Variants in FREM2 observed in about 807,000 individuals in gnomAD.
The protein encoded by FREM2 is FRAS1-related extracellular matrix protein 2.
Under a neutral mutation model 219.9 loss-of-function variants are expected in FREM2, and 119 were observed. That is an observed-to-expected ratio of 0.54 (90% confidence interval 0.47 to 0.63). FREM2 has a LOEUF of 0.63. Among genes scored for constraint, FREM2 ranks in the 30% least tolerant of loss-of-function variants. The pLI, the probability that FREM2 is intolerant of heterozygous loss-of-function variation, is 0.00. For missense variants in FREM2, 4,030 were observed against 3,993.6 expected, an observed-to-expected ratio of 1.01 and a Z score of -0.25; for synonymous variants, 1,562 against 1,522.8, an observed-to-expected ratio of 1.03 and a Z score of -0.60.
chr13:38,734,734 T>C (rs1452347199), intron 2 of FREM2, among the ~76,000 whole-genome samples: 1 of 142,100 alleles, frequency 7.0e-6, no homozygotes, highest in African/African-American at 2.6e-5. Flanking sequence ...ATTGCAGTGC[T>C]ATACTTTTTT....
chr13:38,861,365 A>G (rs1700903821), intron 14 of FREM2, 66 bp from the exon 15 acceptor site: 1 of 1,538,692 alleles, frequency 6.5e-7, no homozygotes, highest in African/African-American at 1.4e-5. Flanking sequence ...CCTATTTTCT[A>G]AAACATTCTT....
At chr13:38,853,601 A>G (rs1877455250) in intron 11 of FREM2, among the ~76,000 whole-genome samples, 1 of 152,214 alleles carries the variant, frequency 6.6e-6, no homozygotes, top group African/African-American at 2.4e-5. Context: ...TAGTGAGGCA[A>G]CATAAAAAAT....
chr13:38,747,799 T>C (rs1872549375), intron 2 of FREM2, among the ~76,000 whole-genome samples: 1 of 152,168 alleles, frequency 6.6e-6, no homozygotes, highest in Non-Finnish European at 1.5e-5. Flanking sequence ...TAGGAAACAA[T>C]GTGCTTTCAG....
chr13:38,884,242 C>T lies in FREM2; in HGVS notation c.*3455C>T, dbSNP rs1348778368. ...CAGCAAAAAAGCTTCTTTATCAAGT[C>T]ATCTTACCTCTAATTCTTTTCCAGT... On this transcript the variant is annotated 3_prime_UTR_variant, in exon 24 of 24. Coordinates refer to ENST00000280481, the MANE Select transcript of FREM2 (RefSeq NM_207361.6). 6.6e-6 allele frequency: 1 copy of T among 152,180 alleles called. No individual in the cohort carries two copies. The allele number at this position is 152,180 out of a possible 1,614,324, so 9.4% of individuals were successfully genotyped here. A position where few individuals can be genotyped will look rare whatever the true frequency, so the allele number is the denominator to read the frequency against.
chr13:38,713,442 A>C lies in FREM2; in HGVS notation c.5263+15655A>C, dbSNP rs1044160895. 3.3e-5 allele frequency among the ~76,000 whole-genome samples: 5 copies of C among 152,272 alleles called. No individual in the cohort carries two copies. In the South Asian group the frequency reaches 1.0e-3, roughly 32 times the overall value. On this transcript the variant is annotated intron_variant, in intron 2 of 23. Coordinates refer to ENST00000280481, the MANE Select transcript of FREM2 (RefSeq NM_207361.6). ...TCTATAATGCATACTCTTATCATGG[A>C]TATATTATTATATGGCATTATTTTT...
rs572540483 is a variant in FREM2, at chr13:38,764,334, G to T, written c.5294G>T (p.Arg1765Leu). ...AACAAGTTAACGTACCAGAATTTTC[G>T]TCTGAATTGGGCATGGATCTCCTTT... ...GGNKLTYQNF[R>L]LNWAWISFEK... The change falls in exon 3 of 24, where the codon CGT (arginine) becomes CTT (leucine). Residue 1765 changes from arginine (R) to leucine (L), a missense_variant. Physicochemically the swap from Arg to Leu is moderately radical, Grantham distance 102 (BLOSUM62 -2). Coordinates refer to ENST00000280481, the MANE Select transcript of FREM2 (RefSeq NM_207361.6). The T allele has an allele frequency of 3.7e-6, 6 of 1,611,928 alleles. No homozygotes were observed. The highest frequency in any genetic ancestry group is 4.2e-6 in the Non-Finnish European group (5 of 1,178,270).
chr13:38,802,938 A>G (rs1875077606), intron 6 of FREM2, among the ~76,000 whole-genome samples: 1 of 152,154 alleles, frequency 6.6e-6, no homozygotes, highest in Non-Finnish European at 1.5e-5. Flanking sequence ...GCTCCCAGCC[A>G]ATCCCAGCTG....
Position 38,689,877 on chromosome 13 carries a change from C to T in FREM2, c.2533C>T (p.His845Tyr), listed in dbSNP as rs1869732816. 8 of 1,614,134 alleles carry T rather than the reference C, an allele frequency of 5.0e-6. No individual in the cohort carries two copies. Among genetic ancestry groups the T allele is most frequent in the Non-Finnish European group, 6.8e-6 (8 of 1,180,028 alleles). ...CTTCACTATTCAGGAGAAGGGTCAC[C>T]ACATCCTGAGTGAGACAGAGTTGCA... Reference protein sequence around the residue: ...TGFTIQEKGHHILSETELHVN... With the variant: ...TGFTIQEKGHYILSETELHVN... Residue 845 changes from histidine (H) to tyrosine (Y), a missense_variant, in exon 1 of 24, where the codon CAC (histidine) becomes TAC (tyrosine). By Grantham distance (83) the His-to-Tyr change is moderately conservative. This residue lies in a region of FREM2 where 3,102 missense variants were observed against 2,950.7 expected (regional missense o/e 1.05). Coordinates refer to ENST00000280481, the MANE Select transcript of FREM2 (RefSeq NM_207361.6).
chr13:38,719,530 T>C (rs1053786822), intron 2 of FREM2, among the ~76,000 whole-genome samples: 4 of 152,154 alleles, frequency 2.6e-5, no homozygotes, highest in Admixed American at 2.0e-4. Context: ...CAGCAGCATG[T>C]CATCTTTAAG....
At chr13:38,776,763 CTCTAAA>C (rs1873883709) in intron 4 of FREM2, among the ~76,000 whole-genome samples, 1 of 151,214 alleles carries the variant, frequency 6.6e-6, no homozygotes, top group Non-Finnish European at 1.5e-5. Context: ...ATTCATTTGT[CTCTAAA>C]TCTAAAACTG....
chr13:38,704,503 G>A (rs1870463389), intron 2 of FREM2, among the ~76,000 whole-genome samples: 1 of 152,206 alleles, frequency 6.6e-6, no homozygotes, highest in South Asian at 2.1e-4. Flanking sequence ...GCAAAAGCAT[G>A]TGCAAAGGGA....
chr13:38,704,547 A>G (rs931202608), intron 2 of FREM2, among the ~76,000 whole-genome samples: 1 of 152,172 alleles, frequency 6.6e-6, no homozygotes, highest in Non-Finnish European at 1.5e-5. Flanking sequence ...CCAGAAAAGC[A>G]CCAGCATGCC....
intron 2 of FREM2, among the ~76,000 whole-genome samples, chr13:38,724,268 G>T (rs1383146292): frequency 6.6e-6 from 1 of 152,120 alleles, no homozygotes; most frequent in African/African-American, 2.4e-5. Flanking sequence ...TGTCTGCCAG[G>T]AGCCTAATGC....
At chr13:38,741,153 A>G (rs1593377603) in intron 2 of FREM2, among the ~76,000 whole-genome samples, 2 of 152,320 alleles carry the variant, frequency 1.3e-5, no homozygotes, top group Admixed American at 1.3e-4. Flanking sequence ...GCAGAGTTGG[A>G]ATTCAAACCC....
At chr13:38,878,580 T>A (rs1878432501) in intron 22 of FREM2, among the ~76,000 whole-genome samples, 1 of 151,512 alleles carries the variant, frequency 6.6e-6, no homozygotes, top group Non-Finnish European at 1.5e-5. Flanking sequence ...CTTGGGAGGC[T>A]GAGGTGGGAA....
At chr13:38,713,229 A>G (rs1870852733) in intron 2 of FREM2, among the ~76,000 whole-genome samples, 1 of 152,140 alleles carries the variant, frequency 6.6e-6, no homozygotes, top group Admixed American at 6.5e-5. Flanking sequence ...AGAACTCTGG[A>G]TTTAAACTCG....
chr13:38,873,588 A>G (rs1018417056), intron 17 of FREM2, among the ~76,000 whole-genome samples: 2 of 151,756 alleles, frequency 1.3e-5, no homozygotes, highest in East Asian at 1.9e-4. Flanking sequence ...TTCAATCTCC[A>G]TGTTAGACTC....
At chr13:38,724,572 C>T (rs1871434453) in intron 2 of FREM2, among the ~76,000 whole-genome samples, 5 of 152,088 alleles carry the variant, frequency 3.3e-5, no homozygotes, top group Admixed American at 3.3e-4. Flanking sequence ...TCATTGATGT[C>T]AACTAGGGCA....
rs540644362 is a variant in FREM2, at chr13:38,687,506, G to A, written c.162G>A (p.Ala54=). 2 of 1,596,248 alleles carry A rather than the reference G, an allele frequency of 1.3e-6. No homozygotes were observed. Among genetic ancestry groups the A allele is most frequent in the African/African-American group, 2.7e-5 (2 of 74,922 alleles). ...CACAGCCCGCTGCCTTCGGCAGGGC[G>A]TTGCTGTCCCCTGGTCTCGCGGGGG... is the stretch of plus-strand genomic sequence containing the variant. The part of the protein sequence containing the change: ...VPAQPAAFGR[A]LLSPGLAGAA... The change falls in exon 1 of 24, where the codon GCG becomes GCA. Residue 54 remains alanine (A), a synonymous_variant. Coordinates refer to ENST00000280481, the MANE Select transcript of FREM2 (RefSeq NM_207361.6).
Sources: allele counts gnomAD v4.1 joint callset (sites outside exome capture counted in the v4.1 genomes callset), GRCh38; gene constraint gnomAD v4.1.1; regional missense constraint gnomAD v4.1.1; transcripts MANE v1.5; gene names NCBI Gene and HGNC (gene_info 2026-07-23, HGNC 2026-07-21).